SVEP1: variants seen among roughly 807,000 people sequenced by gnomAD.
The protein encoded by SVEP1 is sushi, von Willebrand factor type A, EGF and pentraxin domain containing 1.
In SVEP1, 164 loss-of-function variants were observed where a neutral mutation model predicts 367.3. The observed-to-expected ratio is 0.45, with a 90% CI of 0.39 to 0.51. The LOEUF is 0.51. SVEP1 is among the 20% of genes least tolerant of loss of function. The probability of loss-of-function intolerance (pLI) is 0.00; values close to 1 mark genes in which losing one functional copy is unlikely to be tolerated. For synonymous variants in SVEP1, 1,666 were observed against 1,611.6 expected (o/e 1.03, Z -0.81); for missense variants, 4,117 against 4,425.3 (o/e 0.93, Z 1.98).
At chr9:110,472,722 C>T (rs927587581) in intron 14 of SVEP1, among the ~76,000 whole-genome samples, 4 of 151,878 alleles carry the variant, frequency 2.6e-5, no homozygotes, top group Non-Finnish European at 5.9e-5. Flanking sequence ...TAAAATTGAC[C>T]TTAAAACTAT....
intron 8 of SVEP1, 122 bp downstream of exon 8, chr9:110,496,693 G>GGT: frequency 1.1e-5 from 7 of 631,788 alleles, no homozygotes; most frequent in Non-Finnish European, 1.9e-5. Flanking sequence ...TATTAGTTCT[G>GGT]TCCCTCTAGA....
chr9:110,432,419 A>T, intron 31 of SVEP1, 43 bp downstream of exon 31: 1 of 1,570,224 alleles, frequency 6.4e-7, no homozygotes, highest in Non-Finnish European at 8.6e-7. Context: ...TCATCTACAG[A>T]GCTAGAATAA....
intron 40 of SVEP1, among the ~76,000 whole-genome samples, chr9:110,392,091 T>TC (rs1161016981): frequency 6.8e-6 from 1 of 148,058 alleles, no homozygotes; most frequent in East Asian, 2.1e-4. Context: ...AGAGAGAAGA[T>TC]CCTGGGATTT....
intron 11 of SVEP1, among the ~76,000 whole-genome samples, chr9:110,481,800 C>T (rs1222444225): frequency 6.6e-6 from 1 of 152,132 alleles, no homozygotes; most frequent in Non-Finnish European, 1.5e-5. Context: ...GCAGCCTCTG[C>T]CTCCTGGATT....
In SVEP1 at chr9:110,481,173, T is replaced by C. The variant is rs73655372; in HGVS notation, c.2365+69A>G. On this transcript the variant is annotated intron_variant, in intron 12 of 47. Coordinates refer to ENST00000374469, the MANE Select transcript of SVEP1 (RefSeq NM_153366.4). The stretch of plus-strand genomic sequence containing the variant: ...AATTCCTATCGTAAGGCAATTTTCC[T>C]CTTTAACACTTAGAAATGTACACAC... 7,057 of 1,219,336 alleles carry C rather than the reference T, an allele frequency of 5.8e-3. 296 individuals carry two copies. In the African/African-American group the frequency reaches 0.097, roughly 17 times the overall value. The allele number at this position is 1,219,336 out of a possible 1,614,324, so 75.5% of individuals were successfully genotyped here. A position where few individuals can be genotyped will look rare whatever the true frequency, so the allele number is the denominator to read the frequency against.
At chr9:110,416,882 T>C (rs1424040777) in intron 36 of SVEP1, among the ~76,000 whole-genome samples, 2 of 152,076 alleles carry the variant, frequency 1.3e-5, no homozygotes, top group Non-Finnish European at 2.9e-5. Context: ...TTGTAGGATA[T>C]TTAGCATTTT....
chr9:110,497,591 C>T (rs1049934342), intron 7 of SVEP1, among the ~76,000 whole-genome samples: 3 of 152,206 alleles, frequency 2.0e-5, no homozygotes, highest in Admixed American at 1.3e-4. Context: ...AGAAACTACA[C>T]TTGAAAATGA....
chr9:110,366,415 T>A lies in SVEP1; in HGVS notation c.*124A>T. The A allele has an allele frequency of 1.1e-6, 1 of 931,992 alleles. No homozygotes were observed. The highest frequency in any genetic ancestry group is 1.5e-6 in the Non-Finnish European group (1 of 676,084). The allele number at this position is 931,992 out of a possible 1,614,324, so 57.7% of individuals were successfully genotyped here. Reference sequence around the variant, plus strand: ...ACAAAATAAAAAAAGTAACCCCAAGTAACAAGTTTACTAAACAAGACCCAG... The same window carrying A: ...ACAAAATAAAAAAAGTAACCCCAAGAAACAAGTTTACTAAACAAGACCCAG... On this transcript the variant is annotated 3_prime_UTR_variant, in exon 48 of 48. Coordinates refer to ENST00000374469, the MANE Select transcript of SVEP1 (RefSeq NM_153366.4).
intron 1 of SVEP1, among the ~76,000 whole-genome samples, chr9:110,551,471 C>G (rs563466392): frequency 6.6e-6 from 1 of 152,244 alleles, no homozygotes; most frequent in Non-Finnish European, 1.5e-5. Flanking sequence ...GGAAAGCCAG[C>G]AGTTTGAGAA....
chr9:110,495,219 T>G (rs560336496), intron 8 of SVEP1, among the ~76,000 whole-genome samples: 1 of 152,086 alleles, frequency 6.6e-6, no homozygotes, highest in Admixed American at 6.6e-5. Context: ...TCTTCCCCCA[T>G]GTAGTAGGCT....
intron 5 of SVEP1, among the ~76,000 whole-genome samples, chr9:110,512,066 A>C (rs778741950): frequency 5.3e-5 from 8 of 152,162 alleles, no homozygotes; most frequent in Non-Finnish European, 1.0e-4. Flanking sequence ...GGAGGTTCCA[A>C]ATCTTGCAGG....
At chr9:110,430,244 T>C (rs756816396) in intron 33 of SVEP1, 30 bp downstream of exon 33, 1 of 1,591,342 alleles carries the variant, frequency 6.3e-7, no homozygotes, top group South Asian at 1.1e-5. Flanking sequence ...TTGCCAAACA[T>C]AAGAAACGTG....
intron 27 of SVEP1, among the ~76,000 whole-genome samples, chr9:110,440,691 A>C (rs1828498996): frequency 6.6e-6 from 1 of 152,200 alleles, no homozygotes. Context: ...CTCATGCAGA[A>C]GGAAGATATA....
chr9:110,403,306 T>TTG (rs1222046287), intron 39 of SVEP1, among the ~76,000 whole-genome samples: 6 of 129,202 alleles, frequency 4.6e-5, no homozygotes, highest in Non-Finnish European at 8.0e-5. Context: ...GTTTTTTTTT[T>TTG]TTTTTTTTTT....
At chr9:110,434,864 C>T (rs564845188) in intron 29 of SVEP1, among the ~76,000 whole-genome samples, 5 of 151,946 alleles carry the variant, frequency 3.3e-5, no homozygotes, top group Admixed American at 1.3e-4. Context: ...CAACATCCAT[C>T]GCTTTTCTCC....
intron 8 of SVEP1, among the ~76,000 whole-genome samples, chr9:110,493,719 A>G (rs1239826714): frequency 6.6e-6 from 1 of 152,180 alleles, no homozygotes; most frequent in Non-Finnish European, 1.5e-5. Flanking sequence ...GGACAGAGCA[A>G]GACTCTGTCT....
chr9:110,436,301 C>A, intron 28 of SVEP1, 79 bp downstream of exon 28: 1 of 1,530,588 alleles, frequency 6.5e-7, no homozygotes, highest in South Asian at 1.3e-5. Context: ...TAAGTTATGT[C>A]ATCATTAGGC....
In SVEP1 at chr9:110,491,775, G is replaced by A. The variant is rs1045176834; in HGVS notation, c.1801-1996C>T. 9.2e-5 allele frequency among the ~76,000 whole-genome samples: 14 copies of A among 151,992 alleles called. No individual in the cohort carries two copies. The East Asian group carries it at 2.5e-3, about 27-fold the overall frequency. On this transcript the variant is annotated intron_variant, in intron 8 of 47. Coordinates refer to ENST00000374469, the MANE Select transcript of SVEP1 (RefSeq NM_153366.4). ...TAATAGACATACAGAATAGAAATTAGAGATATAACTTACGAATCATCAGTG... is the reference window on the plus strand; with the variant it reads ...TAATAGACATACAGAATAGAAATTAAAGATATAACTTACGAATCATCAGTG...
chr9:110,366,641 T>C, intron 47 of SVEP1, 81 bp from the exon 48 acceptor site: 4 of 1,404,410 alleles, frequency 2.8e-6, no homozygotes, highest in Non-Finnish European at 3.8e-6. Context: ...TAGGAGTTGA[T>C]GAAAACAGGA....
Sources: allele counts gnomAD v4.1 joint callset (sites outside exome capture counted in the v4.1 genomes callset), GRCh38; gene constraint gnomAD v4.1.1; transcripts MANE v1.5; gene names NCBI Gene and HGNC (gene_info 2026-07-23, HGNC 2026-07-21).